The following TRHDE variants were observed in gnomAD, a reference collection of about 807,000 sequenced individuals.
TRHDE encodes the protein thyrotropin releasing hormone degrading enzyme, also known as thyrotropin-releasing hormone-degrading ectoenzyme.
Under a neutral mutation model 125.7 loss-of-function variants are expected in TRHDE, and 72 were observed. The observed-to-expected ratio is 0.57, with a 90% CI of 0.47 to 0.70. The LOEUF is 0.70. TRHDE is among the 30% of genes least tolerant of loss of function. TRHDE has a pLI of 0.00. For synonymous variants in TRHDE, 509 were observed against 509.1 expected (o/e 1.00, Z 0.00); for missense variants, 1,110 against 1,327.1 (o/e 0.84, Z 2.54).
At chr12:72,618,028 C>T (rs763780218) in intron 12 of TRHDE, among the ~76,000 whole-genome samples, 18 of 151,996 alleles carry the variant, frequency 1.2e-4, no homozygotes, top group Non-Finnish European at 2.5e-4. Flanking sequence ...CACTATATGC[C>T]GCAAAGACAT....
At chr12:72,096,134 T>TATACACACACACACACAC (rs1555218842) in intron 1 of TRHDE, among the ~76,000 whole-genome samples, 5 of 145,100 alleles carry the variant, frequency 3.4e-5, no homozygotes, top group African/African-American at 1.0e-4. Context: ...CTTATGTGTA[T>TATACACACACACACACAC]ACACACACAC....
At chr12:72,186,776 T>C (rs773771599) in intron 2 of TRHDE, among the ~76,000 whole-genome samples, 91 of 152,140 alleles carry the variant, frequency 6.0e-4, no homozygotes, top group Non-Finnish European at 9.0e-4. Flanking sequence ...TTATTAGACA[T>C]GGATCTTTTT....
In TRHDE at chr12:72,121,764, G is replaced by C. The variant is rs182636752; in HGVS notation, n.279+16012G>C. On this transcript the variant is annotated intron_variant and non_coding_transcript_variant, in intron 2 of 4. Coordinates refer to the TRHDE transcript ENST00000548156. The stretch of plus-strand genomic sequence containing the variant: ...TTTGATGTGGATAGTGGTTCAGTTT[G>C]GTGTTCCCATGGGGAGAACAATTGG... Among the ~76,000 whole-genome samples, 197 of 136,056 alleles carry C rather than the reference G, an allele frequency of 1.4e-3. 2 individuals are homozygous for C. Among genetic ancestry groups the C allele is most frequent in the African/African-American group, 5.0e-3 (180 of 36,214 alleles). The allele number at this position is 136,056 out of a possible 152,430, so 89.3% of individuals were successfully genotyped here. A position where few individuals can be genotyped will look rare whatever the true frequency, so the allele number is the denominator to read the frequency against.
intron 2 of TRHDE, among the ~76,000 whole-genome samples, chr12:72,328,740 A>T (rs1869452157): frequency 6.6e-6 from 1 of 152,110 alleles, no homozygotes; most frequent in Non-Finnish European, 1.5e-5. Flanking sequence ...AGAGAGGAAA[A>T]GTTTCTTTGC....
chr12:72,529,968 T>C (rs1868457822), intron 6 of TRHDE, among the ~76,000 whole-genome samples: 1 of 152,174 alleles, frequency 6.6e-6, no homozygotes, highest in African/African-American at 2.4e-5. Flanking sequence ...TTTGTCACAG[T>C]GAATGAAGGT....
intron 3 of TRHDE, among the ~76,000 whole-genome samples, chr12:72,401,713 G>A (rs1873049602): frequency 6.6e-6 from 1 of 152,108 alleles, no homozygotes; most frequent in Non-Finnish European, 1.5e-5. Flanking sequence ...GAGTGATCCT[G>A]AAGTTTGGTT....
chr12:72,238,319 T>TATATATAC (rs1878394816), intron 2 of TRHDE, among the ~76,000 whole-genome samples: 1 of 28,694 alleles, frequency 3.5e-5, no homozygotes, highest in Non-Finnish European at 7.7e-5. Context: ...TATATATATA[T>TATATATAC]ATACATATAT....
intron 2 of TRHDE, among the ~76,000 whole-genome samples, chr12:72,135,349 C>T (rs1875960123): frequency 6.6e-6 from 1 of 152,136 alleles, no homozygotes; most frequent in African/African-American, 2.4e-5. Flanking sequence ...GCAGAACCCC[C>T]ATGAGATATG....
At chr12:72,336,282 C>G (rs1432569206) in intron 2 of TRHDE, among the ~76,000 whole-genome samples, 2 of 152,080 alleles carry the variant, frequency 1.3e-5, no homozygotes, top group Non-Finnish European at 2.9e-5. Context: ...AATCTTAGAC[C>G]CACAAAAGGA....
chr12:72,641,868 A>G (rs1231209460), intron 15 of TRHDE, among the ~76,000 whole-genome samples: 1 of 152,186 alleles, frequency 6.6e-6, no homozygotes, highest in African/African-American at 2.4e-5. Flanking sequence ...TGAATGAACA[A>G]TATATTTTTC....
chr12:72,467,465 T>G (rs940175801), intron 3 of TRHDE, among the ~76,000 whole-genome samples: 1 of 152,206 alleles, frequency 6.6e-6, no homozygotes, highest in African/African-American at 2.4e-5. Context: ...ATGCTGAGTC[T>G]AAAATGTAGC....
chr12:72,525,336 G>A (rs1415020194), intron 6 of TRHDE, among the ~76,000 whole-genome samples: 1 of 151,714 alleles, frequency 6.6e-6, no homozygotes, highest in Non-Finnish European at 1.5e-5. Context: ...ATTCTATTTT[G>A]AAGTCAAAAC....
At chr12:72,632,423 C>T (rs1265351812) in intron 15 of TRHDE, among the ~76,000 whole-genome samples, 1 of 151,906 alleles carries the variant, frequency 6.6e-6, no homozygotes, top group Non-Finnish European at 1.5e-5. Flanking sequence ...TATCAGGATA[C>T]AATTTCTCAT....
chr12:72,496,212 A>G (rs1217587048), intron 5 of TRHDE, among the ~76,000 whole-genome samples: 1 of 152,220 alleles, frequency 6.6e-6, no homozygotes, highest in African/African-American at 2.4e-5. Context: ...ATTTCCTTCA[A>G]GAGTCAGATC....
chr12:72,323,832 GAA>G (rs535406069), intron 2 of TRHDE, among the ~76,000 whole-genome samples: 69 of 120,656 alleles, frequency 5.7e-4, no homozygotes, highest in African/African-American at 1.9e-3. Context: ...GAGCGAGAGA[GAA>G]AGAGAGGGAG....
Position 72,473,747 on chromosome 12 carries a change from G to T in TRHDE, c.1584+567G>T, listed in dbSNP as rs11179222. 5.9e-3 allele frequency among the ~76,000 whole-genome samples: 893 copies of T among 152,052 alleles called. 5 individuals are homozygous for T. Among genetic ancestry groups the T allele is most frequent in the African/African-American group, 0.02 (832 of 41,504 alleles). On this transcript the variant is annotated intron_variant, in intron 5 of 18. Coordinates refer to ENST00000261180, the MANE Select transcript of TRHDE (RefSeq NM_013381.3). ...AGCTGTGCTGTTATAGGGCATCCTA[G>T]AAGAAAAAGTAGAGGGAGGGTGTAG...
At chr12:72,251,311 C>T (rs2139387113) in intron 2 of TRHDE, among the ~76,000 whole-genome samples, 2 of 152,076 alleles carry the variant, frequency 1.3e-5, no homozygotes, top group Middle Eastern at 3.4e-3. Flanking sequence ...CTCACCCTTA[C>T]TGTATATACC....
chr12:72,170,172 A>G (rs182458835), intron 2 of TRHDE, among the ~76,000 whole-genome samples: 1 of 152,334 alleles, frequency 6.6e-6, no homozygotes, highest in Non-Finnish European at 1.5e-5. Flanking sequence ...GTGGATTACA[A>G]TAATGAGACT....
chr12:72,446,042 G>A (rs9645830), intron 3 of TRHDE, among the ~76,000 whole-genome samples: 16,322 of 151,522 alleles, frequency 0.11, 1,198 homozygotes, highest in African/African-American at 0.19. Flanking sequence ...TAATTGGTCC[G>A]TGCGCTAGAC....
Sources: allele counts gnomAD v4.1 joint callset (sites outside exome capture counted in the v4.1 genomes callset), GRCh38; gene constraint gnomAD v4.1.1; transcripts MANE v1.5; gene names NCBI Gene and HGNC (gene_info 2026-07-23, HGNC 2026-07-21).